Variants in ANK1 observed in about 807,000 individuals in gnomAD.
ANK1 encodes ankyrin-1.
In ANK1, 51 loss-of-function variants were observed where a neutral mutation model predicts 210.4. That is an observed-to-expected ratio of 0.24 (90% CI 0.19 to 0.31). The LOEUF (loss-of-function observed/expected upper bound fraction) is 0.31. Ranked by LOEUF, ANK1 falls within the 10% of genes least tolerant of loss-of-function variation. The pLI is 1.00. For missense variants in ANK1, 2,051 were observed against 2,504.4 expected (o/e 0.82, Z 3.86); for synonymous variants, 967 against 1,025.9 (o/e 0.94, Z 1.10).
At chr8:41,755,145 C>T (rs1033695164) in intron 2 of ANK1, among the ~76,000 whole-genome samples, 21 of 152,248 alleles carry the variant, frequency 1.4e-4, no homozygotes, top group African/African-American at 3.1e-4. Flanking sequence ...TTGTCACTGG[C>T]GCTGAGCCAA....
chr8:41,695,040 G>A, intron 27 of ANK1, 137 bp downstream of exon 27: 1 of 1,248,466 alleles, frequency 8.0e-7, no homozygotes, highest in Non-Finnish European at 1.2e-6. Flanking sequence ...GGGACCCAGG[G>A]CTTGTCCACA....
chr8:41,758,567 C>G (rs963283888), intron 1 of ANK1, among the ~76,000 whole-genome samples: 2 of 152,004 alleles, frequency 1.3e-5, no homozygotes, highest in African/African-American at 4.8e-5. Context: ...GTCTCAAACT[C>G]CTGAGCTCAA....
intron 2 of ANK1, among the ~76,000 whole-genome samples, chr8:41,746,682 G>C (rs555968583): frequency 3.9e-5 from 6 of 152,140 alleles, no homozygotes; most frequent in Non-Finnish European, 8.8e-5. Context: ...CAGCAGCCCT[G>C]TGCTCTGAGA....
intron 1 of ANK1, among the ~76,000 whole-genome samples, chr8:41,771,931 C>G (rs1018761540): frequency 6.6e-6 from 1 of 152,204 alleles, no homozygotes; most frequent in African/African-American, 2.4e-5. Flanking sequence ...GAACACAAGC[C>G]TGCAGCAAAG....
chr8:41,731,684 CT>C (rs1260791218), intron 3 of ANK1, among the ~76,000 whole-genome samples: 1 of 151,914 alleles, frequency 6.6e-6, no homozygotes, highest in Non-Finnish European at 1.5e-5. Context: ...TTTTTTCCCC[CT>C]CTCTCTGGAT....
chr8:41,666,856 G>A (rs1479039451), intron 39 of ANK1, among the ~76,000 whole-genome samples: 2 of 152,212 alleles, frequency 1.3e-5, no homozygotes, highest in Non-Finnish European at 2.9e-5. Context: ...CCTGGTCCCT[G>A]ACATTGGTCC....
chr8:41,870,837 A>T (rs1450981207), intron 1 of ANK1, among the ~76,000 whole-genome samples: 1 of 152,200 alleles, frequency 6.6e-6, no homozygotes, highest in Non-Finnish European at 1.5e-5. Flanking sequence ...GCATGTGGAC[A>T]CGTGGTGCTG....
At chr8:41,717,156 C>T (rs1827908323) in intron 12 of ANK1, 105 bp from the exon 13 acceptor site, 1 of 1,244,442 alleles carries the variant, frequency 8.0e-7, no homozygotes. Context: ...GGGTTTTTGT[C>T]CAAGAGGTGG....
chr8:41,689,615 G>C (rs112502032), intron 33 of ANK1, among the ~76,000 whole-genome samples: 2,921 of 152,234 alleles, frequency 0.019, 73 homozygotes, highest in Admixed American at 0.071. Context: ...GTCTGGAGAC[G>C]TATGATCCCT....
In ANK1 at chr8:41,688,223, G is replaced by A; in HGVS notation, c.4191C>T (p.Leu1397=). 6.2e-7 allele frequency: 1 copy of A among 1,614,208 alleles called. No homozygotes were observed. The highest frequency in any genetic ancestry group is 1.1e-5 in the South Asian group (1 of 91,076). The part of the protein sequence containing the change: ...SILSESTPGS[L]SGTEQAEMKM... ...TCATCTCTGCCTGCTCTGTCCCACT[G>A]AGAGAACCTGGGGAGAAGCATTAGA... The change falls in exon 35 of 43, where the codon CTC becomes CTT. Residue 1397 remains leucine (L), a synonymous_variant. Coordinates refer to ENST00000289734, the MANE Select transcript of ANK1 (RefSeq NM_000037.4).
chr8:41,817,456 GCCTCAATGTGTAAGACGAGGA>G (rs1242340641), intron 1 of ANK1, among the ~76,000 whole-genome samples: 1 of 152,216 alleles, frequency 6.6e-6, no homozygotes, highest in African/African-American at 2.4e-5. Context: ...CTGTGATAAA[GCCTCAATGTGTAAGACGAGGA>G]CAGTTGTTTT....
intron 3 of ANK1, among the ~76,000 whole-genome samples, chr8:41,732,782 G>A (rs941833802): frequency 2.0e-5 from 3 of 151,938 alleles, no homozygotes; most frequent in African/African-American, 7.3e-5. Flanking sequence ...AGGCTAGAGT[G>A]CAGTGGTGCA....
chr8:41,736,170 G>A (rs1337720107), intron 2 of ANK1, among the ~76,000 whole-genome samples: 1 of 152,212 alleles, frequency 6.6e-6, no homozygotes, highest in Non-Finnish European at 1.5e-5. Context: ...GTGCTTGAGG[G>A]CCAGATGGGA....
intron 31 of ANK1, among the ~76,000 whole-genome samples, chr8:41,692,215 C>T (rs1258032909): frequency 1.3e-5 from 2 of 152,132 alleles, no homozygotes; most frequent in Non-Finnish European, 2.9e-5. Flanking sequence ...TGCCATCATG[C>T]CCGGCTAATT....
intron 1 of ANK1, among the ~76,000 whole-genome samples, chr8:41,822,703 C>G (rs1406583614): frequency 6.6e-6 from 1 of 152,162 alleles, no homozygotes; most frequent in Non-Finnish European, 1.5e-5. Context: ...GGATGATGAG[C>G]TAATCCCCCG....
At chr8:41,860,892 C>T (rs982440427) in intron 1 of ANK1, among the ~76,000 whole-genome samples, 3 of 152,222 alleles carry the variant, frequency 2.0e-5, no homozygotes, top group African/African-American at 7.2e-5. Flanking sequence ...CCAACAGAAG[C>T]CTGCAAAGAG....
At chr8:41,822,463 G>A (rs567526667) in intron 1 of ANK1, among the ~76,000 whole-genome samples, 2 of 152,128 alleles carry the variant, frequency 1.3e-5, no homozygotes, top group East Asian at 3.8e-4. Flanking sequence ...TTTTGAGTAG[G>A]TATCTTCAAT....
chr8:41,654,976 C>G lies in ANK1; in HGVS notation c.*814G>C, dbSNP rs1200619284. 2 of 152,554 alleles carry G rather than the reference C, an allele frequency of 1.3e-5. No individual in the cohort carries two copies. The highest frequency in any genetic ancestry group is 4.8e-5 in the African/African-American group (2 of 41,406). 9.5% of individuals were successfully genotyped at this position (152,554 alleles called of 1,614,324 possible). A position where few individuals can be genotyped will look rare whatever the true frequency, so the allele number is the denominator to read the frequency against. ...CCTAACACAAGGAACCCCGAATGCA[C>G]TCTTCAAGGTAATGATTTTCCATTG... On this transcript the variant is annotated 3_prime_UTR_variant, in exon 43 of 43. Coordinates refer to ENST00000289734, the MANE Select transcript of ANK1 (RefSeq NM_000037.4).
chr8:41,764,080 G>A (rs919051727), intron 1 of ANK1, among the ~76,000 whole-genome samples: 7 of 151,664 alleles, frequency 4.6e-5, no homozygotes, highest in African/African-American at 1.5e-4. Flanking sequence ...TCCTGCTAGG[G>A]CAAAGAGAGA....
Sources: allele counts gnomAD v4.1 joint callset (sites outside exome capture counted in the v4.1 genomes callset), GRCh38; gene constraint gnomAD v4.1.1; transcripts MANE v1.5; gene names NCBI Gene and HGNC (gene_info 2026-07-23, HGNC 2026-07-21).